The following NRG1 variants were observed in gnomAD, a reference collection of about 807,000 sequenced individuals.
NRG1 encodes the protein pro-neuregulin-1, membrane-bound isoform.
In NRG1, 18 loss-of-function variants were observed where a neutral mutation model predicts 63.8. The observed-to-expected ratio is 0.28, with a 90% CI of 0.19 to 0.42. The LOEUF (loss-of-function observed/expected upper bound fraction) is 0.42, where lower values mean the gene tolerates loss of function less well. Among genes scored for constraint, NRG1 ranks in the 10% least tolerant of loss-of-function variants. NRG1 has a pLI of 1.00. For synonymous variants in NRG1, 302 were observed against 301.3 expected (o/e 1.00, Z -0.02); for missense variants, 762 against 814.7 (o/e 0.94, Z 0.79).
Position 31,662,805 on chromosome 8 carries a change from A to T in NRG1, c.37+23374A>T, listed in dbSNP as rs146900285. Among the ~76,000 whole-genome samples, 332 of 152,318 alleles carry T rather than the reference A, an allele frequency of 2.2e-3. 1 individual carries two copies. The highest frequency in any genetic ancestry group is 7.4e-3 in the African/African-American group (309 of 41,574). On this transcript the variant is annotated intron_variant, in intron 1 of 10. Transcript: ENST00000519301. Reference sequence around the variant, plus strand: ...ACACTTATAGATCTGAGAAATAAAAAACACATACCAAGAACTTATTGTTGG... The same window carrying T: ...ACACTTATAGATCTGAGAAATAAAATACACATACCAAGAACTTATTGTTGG...
chr8:32,594,306 G>A (rs1842995190), intron 1 of NRG1, among the ~76,000 whole-genome samples: 1 of 152,106 alleles, frequency 6.6e-6, no homozygotes, highest in Admixed American at 6.6e-5. Flanking sequence ...TTTTCTGGGA[G>A]TTTCTGTTTA....
intron 5 of NRG1, among the ~76,000 whole-genome samples, chr8:32,725,668 G>T (rs1025444376): frequency 6.6e-6 from 1 of 151,368 alleles, no homozygotes; most frequent in Non-Finnish European, 1.5e-5. Flanking sequence ...TAGAGACGGG[G>T]TTTCACCATG....
At chr8:31,870,468 T>G (rs1829377460) in intron 1 of NRG1, among the ~76,000 whole-genome samples, 1 of 152,120 alleles carries the variant, frequency 6.6e-6, no homozygotes. Context: ...AAACTTGAGG[T>G]ATGTTGGTCT....
At chr8:32,450,968 G>A (rs1328002893) in intron 1 of NRG1, among the ~76,000 whole-genome samples, 1 of 152,094 alleles carries the variant, frequency 6.6e-6, no homozygotes, top group African/African-American at 2.4e-5. Flanking sequence ...CTCTAAGGGA[G>A]TTGCCCTCAA....
chr8:31,923,297 A>C (rs1834065252), intron 1 of NRG1, among the ~76,000 whole-genome samples: 2 of 152,146 alleles, frequency 1.3e-5, no homozygotes, highest in Non-Finnish European at 2.9e-5. Flanking sequence ...TAATGAGGTG[A>C]TATCATATCA....
chr8:31,849,839 G>T (rs1265002888), intron 1 of NRG1, among the ~76,000 whole-genome samples: 1 of 152,236 alleles, frequency 6.6e-6, no homozygotes, highest in Non-Finnish European at 1.5e-5. Context: ...AGTCAGTAAT[G>T]TACTTCTCTA....
chr8:31,687,733 G>A (rs1489009430), intron 1 of NRG1, among the ~76,000 whole-genome samples: 2 of 152,246 alleles, frequency 1.3e-5, no homozygotes, highest in African/African-American at 4.8e-5. Context: ...AAGAGTCAAG[G>A]TGTTTCTTTG....
rs1851750338 is a variant in NRG1 at position 32,273,386 on chromosome 8, T to C, written c.38-322442T>C. Among the ~76,000 whole-genome samples the C allele has an allele frequency of 2.6e-5, 4 of 152,218 alleles. No individual in the cohort carries two copies. In the South Asian group the frequency reaches 8.3e-4, roughly 32 times the overall value. ...AAAGGAAAAAAATGTCAGGATATCT[T>C]CCAAAGAGAGACATAAAGGTAACAT... On this transcript the variant is annotated intron_variant, in intron 1 of 10. Coordinates refer to the NRG1 transcript ENST00000519301.
At chr8:31,733,794 GC>G (rs201630815) in intron 1 of NRG1, among the ~76,000 whole-genome samples, 17 of 151,986 alleles carry the variant, frequency 1.1e-4, no homozygotes, top group Non-Finnish European at 1.6e-4. Context: ...GAACCTCTCT[GC>G]CCCCCCGCCC....
intron 1 of NRG1, among the ~76,000 whole-genome samples, chr8:32,176,356 C>T (rs912065947): frequency 5.9e-5 from 9 of 152,154 alleles, no homozygotes; most frequent in Non-Finnish European, 1.2e-4. Flanking sequence ...AAATGTTAGA[C>T]CTGAAACCAT....
At chr8:31,665,246 C>T (rs1324129463) in intron 1 of NRG1, among the ~76,000 whole-genome samples, 1 of 152,148 alleles carries the variant, frequency 6.6e-6, no homozygotes, top group African/African-American at 2.4e-5. Context: ...CTTCCTTAAC[C>T]ATTGACAGGA....
At chr8:32,547,917 T>C (rs1313078715), upstream of NRG1, among the ~76,000 whole-genome samples, 1 of 152,086 alleles carries the variant, frequency 6.6e-6, no homozygotes, top group African/African-American at 2.4e-5. Context: ...GCCGTCCTTT[T>C]CCGCGTGGAA....
intron 1 of NRG1, among the ~76,000 whole-genome samples, chr8:32,155,831 TCTTA>T (rs1196107897): frequency 6.6e-6 from 1 of 152,214 alleles, no homozygotes; most frequent in African/African-American, 2.4e-5. Flanking sequence ...CCTTTTTATT[TCTTA>T]CTTTTCTTTT....
At chr8:32,106,523 A>G (rs1348746242) in intron 1 of NRG1, among the ~76,000 whole-genome samples, 1 of 152,214 alleles carries the variant, frequency 6.6e-6, no homozygotes, top group Non-Finnish European at 1.5e-5. Context: ...AAAAGCCCAT[A>G]CAGTTGGAAT....
At chr8:31,997,594 T>C (rs2129633605) in intron 1 of NRG1, among the ~76,000 whole-genome samples, 1 of 152,136 alleles carries the variant, frequency 6.6e-6, no homozygotes, top group South Asian at 2.1e-4. Flanking sequence ...AAGGAAGCAA[T>C]GATTTGGCTG....
intron 1 of NRG1, among the ~76,000 whole-genome samples, chr8:31,852,443 T>C (rs1452674070): frequency 6.6e-6 from 1 of 152,204 alleles, no homozygotes; most frequent in Non-Finnish European, 1.5e-5. Flanking sequence ...TACGCCCACT[T>C]CTTGATGGGG....
At chr8:32,504,620 A>C (rs1390915398) in intron 1 of NRG1, among the ~76,000 whole-genome samples, 2 of 152,182 alleles carry the variant, frequency 1.3e-5, no homozygotes, top group Non-Finnish European at 2.9e-5. Context: ...ATTTAAAGAC[A>C]GAAACAGATA....
intron 1 of NRG1, among the ~76,000 whole-genome samples, chr8:31,984,788 T>TTG (rs1809766392): frequency 6.6e-6 from 1 of 152,160 alleles, no homozygotes; most frequent in Non-Finnish European, 1.5e-5. Flanking sequence ...ATTGCCCCTG[T>TTG]GTACCTTTGG....
At chr8:31,742,455 ATTTTTTT>A (rs36040084) in intron 1 of NRG1, among the ~76,000 whole-genome samples, 6 of 80,024 alleles carry the variant, frequency 7.5e-5, no homozygotes, top group South Asian at 4.1e-4. Flanking sequence ...TTTTTTAAGA[ATTTTTTT>A]TTTTTTTTTT....
Sources: allele counts gnomAD v4.1 joint callset (sites outside exome capture counted in the v4.1 genomes callset), GRCh38; gene constraint gnomAD v4.1.1; transcripts MANE v1.5; gene names NCBI Gene and HGNC (gene_info 2026-07-23, HGNC 2026-07-21).